The following ANKS1B variants were observed in gnomAD, a reference collection of about 807,000 sequenced individuals.
ANKS1B encodes the protein ankyrin repeat and sterile alpha motif domain containing 1B.
ANKS1B carries 36 observed loss-of-function variants against 148.3 expected under a neutral mutation model. That is an observed-to-expected ratio of 0.24 (90% CI 0.19 to 0.32). The LOEUF is 0.32. Ranked by LOEUF, ANKS1B falls within the 10% of genes least tolerant of loss-of-function variation. ANKS1B has a pLI of 1.00. For synonymous variants in ANKS1B, 542 were observed against 560.8 expected (o/e 0.97, Z 0.47); for missense variants, 1,157 against 1,542.6 (o/e 0.75, Z 4.19).
intron 12 of ANKS1B, among the ~76,000 whole-genome samples, chr12:99,257,606 CT>C (rs2075420063): frequency 6.6e-6 from 1 of 151,760 alleles, no homozygotes; most frequent in Non-Finnish European, 1.5e-5. Flanking sequence ...GGTTCTATTT[CT>C]TGTTTCCTAT....
At chr12:99,666,163 A>G (rs1567599673) in intron 8 of ANKS1B, among the ~76,000 whole-genome samples, 1 of 152,164 alleles carries the variant, frequency 6.6e-6, no homozygotes, top group Admixed American at 6.5e-5. Flanking sequence ...ACTTTGTTCT[A>G]TTGACCTGTA....
intron 8 of ANKS1B, among the ~76,000 whole-genome samples, chr12:99,705,137 T>C (rs1057250619): frequency 1.3e-5 from 2 of 152,056 alleles, no homozygotes; most frequent in African/African-American, 4.8e-5. Context: ...ATAGCAACTA[T>C]GTGAAAGAAT....
intron 14 of ANKS1B, among the ~76,000 whole-genome samples, chr12:99,186,648 CCTGA>C (rs1566583194): frequency 6.6e-6 from 1 of 152,070 alleles, no homozygotes; most frequent in East Asian, 1.9e-4. Context: ...AGCAGAGGGG[CCTGA>C]CTGTTAGAAG....
intron 19 of ANKS1B, among the ~76,000 whole-genome samples, chr12:98,812,815 G>A (rs2099108409): frequency 6.6e-6 from 1 of 152,060 alleles, no homozygotes; most frequent in Admixed American, 6.6e-5. Context: ...GGCCTCAAGT[G>A]ATCCACCCAC....
At chr12:99,356,694 C>T (rs1253497457) in intron 12 of ANKS1B, among the ~76,000 whole-genome samples, 5 of 152,152 alleles carry the variant, frequency 3.3e-5, no homozygotes, top group Non-Finnish European at 5.9e-5. Context: ...AATTTCCTAT[C>T]TTCCAGCAGA....
intron 6 of ANKS1B, among the ~76,000 whole-genome samples, chr12:99,776,737 TG>T (rs1164285352): frequency 6.6e-6 from 1 of 152,164 alleles, no homozygotes; most frequent in African/African-American, 2.4e-5. Flanking sequence ...TGGAGTGCAG[TG>T]GTGCAATCTT....
intron 17 of ANKS1B, among the ~76,000 whole-genome samples, chr12:99,027,453 A>T (rs919144119): frequency 6.6e-6 from 1 of 152,230 alleles, no homozygotes; most frequent in Admixed American, 6.5e-5. Context: ...GATATCAGGT[A>T]CCCAAACTCT....
intron 17 of ANKS1B, among the ~76,000 whole-genome samples, chr12:99,051,499 A>G (rs936356465): frequency 6.6e-6 from 1 of 152,226 alleles, no homozygotes; most frequent in Non-Finnish European, 1.5e-5. Context: ...TGGTTGATGT[A>G]TGGAAGGTAC....
intron 14 of ANKS1B, among the ~76,000 whole-genome samples, chr12:99,186,964 T>C (rs2079949452): frequency 6.7e-6 from 1 of 149,406 alleles, no homozygotes; most frequent in Admixed American, 6.6e-5. Context: ...AATTGCTAAC[T>C]AGAATAACCA....
chr12:99,744,553 C>CT (rs1421231267), intron 8 of ANKS1B, among the ~76,000 whole-genome samples: 1 of 152,164 alleles, frequency 6.6e-6, no homozygotes, highest in Admixed American at 6.5e-5. Context: ...TACAGGCATT[C>CT]TTTTTTTACT....
intron 17 of ANKS1B, among the ~76,000 whole-genome samples, chr12:98,849,190 A>G (rs1238443731): frequency 1.3e-5 from 2 of 152,086 alleles, no homozygotes; most frequent in African/African-American, 4.8e-5. Flanking sequence ...TTGAAATCTC[A>G]TATTTTAATT....
At chr12:99,291,047 G>A (rs1175194936) in intron 12 of ANKS1B, among the ~76,000 whole-genome samples, 1 of 151,808 alleles carries the variant, frequency 6.6e-6, no homozygotes, top group East Asian at 1.9e-4. Flanking sequence ...CAGTAAAGTG[G>A]CAAGATACAA....
chr12:99,034,840 T>TG (rs1470365356), intron 17 of ANKS1B, among the ~76,000 whole-genome samples: 1 of 152,194 alleles, frequency 6.6e-6, no homozygotes, highest in African/African-American at 2.4e-5. Context: ...GGTGAGCACG[T>TG]GTTCTCCAGG....
At chr12:99,410,267 A>G (rs542046730) in intron 11 of ANKS1B, among the ~76,000 whole-genome samples, 4 of 152,208 alleles carry the variant, frequency 2.6e-5, no homozygotes, top group Non-Finnish European at 5.9e-5. Context: ...TTCCTGCTAC[A>G]GTAGCAGAGT....
chr12:99,380,754 C>CCTTCCTTCCT, intron 12 of ANKS1B, among the ~76,000 whole-genome samples: 1 of 132,728 alleles, frequency 7.5e-6, no homozygotes, highest in Non-Finnish European at 1.6e-5. Context: ...GTTTCCTTTC[C>CCTTCCTTCCT]TCCTTCCTTC....
chr12:99,043,676 T>C (rs926446458), intron 17 of ANKS1B, among the ~76,000 whole-genome samples: 5 of 152,238 alleles, frequency 3.3e-5, no homozygotes, highest in Non-Finnish European at 5.9e-5. Context: ...ACTAAAACTC[T>C]AAGCCACCCT....
chr12:99,827,747 A>G (rs192528268), intron 1 of ANKS1B, among the ~76,000 whole-genome samples: 3 of 152,192 alleles, frequency 2.0e-5, no homozygotes, highest in Non-Finnish European at 4.4e-5. Flanking sequence ...ACAAACCTAT[A>G]TTGACAAGGA....
chr12:99,648,893 C>T (rs755835314), intron 9 of ANKS1B: 34 of 1,436,326 alleles, frequency 2.4e-5, no homozygotes, highest in Non-Finnish European at 2.9e-5. Context: ...AAATGCATTG[C>T]ATTTGGAAGG....
intron 17 of ANKS1B, among the ~76,000 whole-genome samples, chr12:99,052,383 A>G (rs2099966672): frequency 1.3e-5 from 2 of 152,204 alleles, no homozygotes; most frequent in Admixed American, 6.5e-5. Flanking sequence ...CCTATTTAGT[A>G]AGAATAAAAG....
Sources: allele counts gnomAD v4.1 joint callset (sites outside exome capture counted in the v4.1 genomes callset), GRCh38; gene constraint gnomAD v4.1.1; transcripts MANE v1.5; gene names NCBI Gene and HGNC (gene_info 2026-07-23, HGNC 2026-07-21).